IL1RAPL1: variants seen among roughly 807,000 people sequenced by gnomAD.
The protein encoded by IL1RAPL1 is interleukin 1 receptor accessory protein like 1.
In IL1RAPL1, 3 loss-of-function variants were observed where a neutral mutation model predicts 48.4. The ratio of observed to expected loss-of-function variants is 0.06; its 90% CI spans 0.03 to 0.16. IL1RAPL1 has a LOEUF of 0.16. Ranked by LOEUF, IL1RAPL1 falls within the 10% of genes least tolerant of loss-of-function variation. IL1RAPL1 has a pLI of 1.00. For synonymous variants in IL1RAPL1, 185 were observed against 187.7 expected (o/e 0.99, Z 0.12); for missense variants, 349 against 530.6 (o/e 0.66, Z 3.36).
intron 3 of IL1RAPL1, among the ~76,000 whole-genome samples, chrX:29,354,387 C>T (rs1427442873): frequency 8.9e-6 from 1 of 111,909 alleles, no homozygotes; most frequent in Non-Finnish European, 1.9e-5. Context: ...ACAGATTCTC[C>T]TCTGCTCCTC....
Position 29,574,524 on chromosome X carries a change from C to T in IL1RAPL1, c.704-93906C>T, listed in dbSNP as rs143124963. Among the ~76,000 whole-genome samples the T allele has an allele frequency of 3.9e-3, 432 of 110,377 alleles. 2 individuals carry two copies. Among genetic ancestry groups the T allele is most frequent in the Non-Finnish European group, 6.6e-3 (347 of 52,769 alleles). On this transcript the variant is annotated intron_variant, in intron 5 of 10. Transcript: ENST00000378993. ...GTCTGAAGTCTCATGTGAGACAAGG[C>T]GAGTCCCTTCTACCTATGAGCCTGT...
intron 5 of IL1RAPL1, among the ~76,000 whole-genome samples, chrX:29,535,191 C>CACTGAATA (rs1322919599): frequency 9.4e-6 from 1 of 106,611 alleles, no homozygotes; most frequent in Non-Finnish European, 1.9e-5. Flanking sequence ...ATGAGAACCC[C>CACTGAATA]ACTGAATAGA....
chrX:29,881,210 A>T (rs774409633), intron 6 of IL1RAPL1, among the ~76,000 whole-genome samples: 2 of 111,046 alleles, frequency 1.8e-5, no homozygotes, highest in Admixed American at 9.7e-5. Context: ...GTCTAAGGCA[A>T]AACAGAAGTG....
chrX:29,030,624 T>C (rs1390462618), intron 2 of IL1RAPL1, among the ~76,000 whole-genome samples: 1 of 111,721 alleles, frequency 9.0e-6, no homozygotes, highest in Non-Finnish European at 1.9e-5. Context: ...ATTTCGAATT[T>C]TGAATTTCAA....
intron 9 of IL1RAPL1, among the ~76,000 whole-genome samples, chrX:29,949,480 T>A (rs1321878870): frequency 8.9e-6 from 1 of 111,877 alleles, no homozygotes; most frequent in Non-Finnish European, 1.9e-5. Flanking sequence ...ATGACTACAT[T>A]GCAGATTATA....
chrX:28,894,436 G>T (rs1236690610), intron 2 of IL1RAPL1, among the ~76,000 whole-genome samples: 1 of 111,076 alleles, frequency 9.0e-6, no homozygotes. Context: ...GTGAATGTCA[G>T]GTGTATCAGA....
At position 28,882,937 on chromosome X, in the gene IL1RAPL1, T is replaced by G. The variant is rs989188686; in HGVS notation, c.82+93512T>G. Among the ~76,000 whole-genome samples, 7 of 111,659 alleles carry G rather than the reference T, an allele frequency of 6.3e-5. No individual in the cohort carries two copies. In the South Asian group the frequency reaches 2.2e-3, roughly 36 times the overall value. On this transcript the variant is annotated intron_variant, in intron 2 of 10. Coordinates refer to ENST00000378993, the MANE Select transcript of IL1RAPL1 (RefSeq NM_014271.4). ...CAAAACCATTTTAAAAACCTATAAA[T>G]CCATAATAATAGAAACATAATATAA... is the stretch of plus-strand genomic sequence containing the variant.
chrX:29,561,045 T>C (rs1291477722), intron 5 of IL1RAPL1, among the ~76,000 whole-genome samples: 1 of 112,145 alleles, frequency 8.9e-6, no homozygotes, highest in African/African-American at 3.2e-5. Context: ...CCTGACATTC[T>C]AGGGGTCTCG....
chrX:29,921,244 A>G (rs141500576), intron 8 of IL1RAPL1, among the ~76,000 whole-genome samples: 129 of 112,256 alleles, frequency 1.1e-3, no homozygotes, highest in Non-Finnish European at 2.0e-3. Flanking sequence ...AAAACTTTCT[A>G]CTCTTTGGAA....
intron 6 of IL1RAPL1, among the ~76,000 whole-genome samples, chrX:29,851,728 C>T (rs1409785378): frequency 1.8e-5 from 2 of 111,207 alleles, no homozygotes; most frequent in African/African-American, 6.6e-5. Flanking sequence ...AGCTGTAGGT[C>T]CTTTTCTGTT....
intron 6 of IL1RAPL1, among the ~76,000 whole-genome samples, chrX:29,890,120 T>C (rs1264770722): frequency 9.0e-6 from 1 of 111,610 alleles, no homozygotes; most frequent in African/African-American, 3.3e-5. Flanking sequence ...TGCTTTTTCT[T>C]TCTATTCTCT....
Position 29,184,485 on chromosome X carries a change from A to T in IL1RAPL1, c.83-98453A>T, listed in dbSNP as rs1454356849. On this transcript the variant is annotated intron_variant, in intron 2 of 10. Coordinates refer to ENST00000378993, the MANE Select transcript of IL1RAPL1 (RefSeq NM_014271.4). The stretch of plus-strand genomic sequence containing the variant: ...AGAATGCCATTGAGCCACTTAAATT[A>T]TGTATTTTTGTATGTTTGTTTGTTT... 5.4e-5 allele frequency among the ~76,000 whole-genome samples: 6 copies of T among 111,270 alleles called. 1 individual carries two copies. The East Asian group carries it at 1.1e-3, about 21-fold the overall frequency.
At chrX:29,801,518 A>C (rs1316270015) in intron 6 of IL1RAPL1, among the ~76,000 whole-genome samples, 1 of 111,827 alleles carries the variant, frequency 8.9e-6, no homozygotes, top group Non-Finnish European at 1.9e-5. Context: ...AAAAAGAGAG[A>C]GATTTATCTC....
At chrX:28,948,787 C>T (rs1459038547) in intron 2 of IL1RAPL1, among the ~76,000 whole-genome samples, 3 of 111,133 alleles carry the variant, frequency 2.7e-5, no homozygotes. Context: ...ACAGATAGTA[C>T]TGTGCCCTAT....
intron 2 of IL1RAPL1, among the ~76,000 whole-genome samples, chrX:28,823,030 C>T (rs1465945193): frequency 9.0e-6 from 1 of 110,901 alleles, no homozygotes; most frequent in Non-Finnish European, 1.9e-5. Flanking sequence ...TGAGAGTGAT[C>T]AAGAACTTTC....
In IL1RAPL1 at chrX:29,383,287, A is replaced by G. The variant is rs747406146; in HGVS notation, c.363-12971A>G. On this transcript the variant is annotated intron_variant, in intron 3 of 10. Coordinates refer to ENST00000378993, the MANE Select transcript of IL1RAPL1 (RefSeq NM_014271.4). Reference sequence around the variant, plus strand: ...CTTAGAATTTGATGATCTGGTGCTGAAGTTCAAGAAAGATGTTACTTGTTC... The same window carrying G: ...CTTAGAATTTGATGATCTGGTGCTGGAGTTCAAGAAAGATGTTACTTGTTC... Among the ~76,000 whole-genome samples the G allele has an allele frequency of 9.8e-5, 11 of 112,292 alleles. No individual in the cohort carries two copies. The South Asian group carries it at 3.7e-3, about 37-fold the overall frequency.
chrX:29,943,272 T>G (rs1030927359), intron 9 of IL1RAPL1, among the ~76,000 whole-genome samples: 1 of 111,997 alleles, frequency 8.9e-6, no homozygotes, highest in Non-Finnish European at 1.9e-5. Context: ...TAAAGAAATA[T>G]AAGGACTTTG....
chrX:28,658,048 T>C (rs781684959), intron 1 of IL1RAPL1, among the ~76,000 whole-genome samples: 1 of 111,915 alleles, frequency 8.9e-6, no homozygotes, highest in Non-Finnish European at 1.9e-5. Context: ...TTTAGGTCTC[T>C]CTTTTGCAAG....
Position 28,789,441 on chromosome X carries a change from C to G in IL1RAPL1, c.82+16C>G. On this transcript the variant is annotated intron_variant, in intron 2 of 10. Coordinates refer to ENST00000378993, the MANE Select transcript of IL1RAPL1 (RefSeq NM_014271.4). ...AGAGGCTCCGGTAAGCAGTATTCCT[C>G]TATTTTTTATGTGTTTTTATAGCTT... 8.8e-7 allele frequency: 1 copy of G among 1,140,797 alleles called. No homozygotes were observed. Among genetic ancestry groups the G allele is most frequent in the Non-Finnish European group, 1.2e-6 (1 of 831,082 alleles). The allele number at this position is 1,140,797 out of a possible 1,213,427, so 94.0% of individuals were successfully genotyped here. A position where few individuals can be genotyped will look rare whatever the true frequency, so the allele number is the denominator to read the frequency against.
Sources: gnomAD v4.1 joint callset for allele counts (sites outside exome capture counted in the v4.1 genomes callset) on GRCh38, gnomAD v4.1.1 for gene constraint, MANE v1.5 for transcripts, NCBI Gene and HGNC (gene_info 2026-07-23, HGNC 2026-07-21) for gene names.